The following NLN variants were observed in gnomAD, a reference collection of about 807,000 sequenced individuals.
NLN encodes neurolysin, mitochondrial.
A neutral mutation model predicts 79.9 loss-of-function variants in NLN; 64 were observed. The observed-to-expected ratio is 0.80, with a 90% CI of 0.65 to 0.99. NLN has a LOEUF of 0.99. NLN is among the 50% of genes least tolerant of loss of function. NLN has a pLI of 0.00. For synonymous variants in NLN, 267 were observed against 296.6 expected, an observed-to-expected ratio of 0.90 and a Z score of 1.02; for missense variants, 835 against 858.7, an observed-to-expected ratio of 0.97 and a Z score of 0.34.
At chr5:65,786,876 AT>A (rs961949127) in intron 7 of NLN, among the ~76,000 whole-genome samples, 1 of 152,068 alleles carries the variant, frequency 6.6e-6, no homozygotes, top group African/African-American at 2.4e-5. Flanking sequence ...AATAAAAATA[AT>A]TTTTTAAAAA....
chr5:65,724,927 A>G (rs951947599), intron 1 of NLN, among the ~76,000 whole-genome samples: 8 of 149,732 alleles, frequency 5.3e-5, no homozygotes, highest in Non-Finnish European at 7.4e-5. Flanking sequence ...TCAGCCTCCC[A>G]AGTAGCTGGG....
chr5:65,722,435 A>G (rs1279089348), intron 1 of NLN, 21 bp downstream of exon 1: 14 of 1,575,730 alleles, frequency 8.9e-6, no homozygotes, highest in African/African-American at 1.4e-5. Context: ...CGCGCGGGTT[A>G]ACCTTGGCCG....
At chr5:65,746,727 G>A (rs761179700) in intron 1 of NLN, among the ~76,000 whole-genome samples, 5 of 152,138 alleles carry the variant, frequency 3.3e-5, no homozygotes, top group Admixed American at 6.5e-5. Context: ...TTGCTGAGCC[G>A]GGCGCGGTGG....
At chr5:65,745,470 G>A (rs1054421241) in intron 1 of NLN, among the ~76,000 whole-genome samples, 27 of 152,188 alleles carry the variant, frequency 1.8e-4, no homozygotes, top group Non-Finnish European at 7.3e-5. Context: ...TTGAATCCCA[G>A]CTGCACAAAT....
chr5:65,800,424 C>A (rs985799135), intron 9 of NLN, among the ~76,000 whole-genome samples: 3 of 152,082 alleles, frequency 2.0e-5, no homozygotes, highest in Non-Finnish European at 4.4e-5. Flanking sequence ...GCCTATAATC[C>A]CAGCACTTTG....
chr5:65,806,488 G>A (rs533714390), intron 9 of NLN, among the ~76,000 whole-genome samples: 13 of 152,304 alleles, frequency 8.5e-5, no homozygotes. Flanking sequence ...CCTCAGTGGA[G>A]GAAGGAGCTG....
At chr5:65,731,635 CA>C (rs1487342532) in intron 1 of NLN, among the ~76,000 whole-genome samples, 9 of 151,620 alleles carry the variant, frequency 5.9e-5, no homozygotes, top group African/African-American at 2.2e-4. Flanking sequence ...AATTTTTATA[CA>C]GTCAGAAATA....
At chr5:65,808,937 C>A (rs554298234) in intron 9 of NLN, among the ~76,000 whole-genome samples, 3 of 152,292 alleles carry the variant, frequency 2.0e-5, no homozygotes, top group African/African-American at 7.2e-5. Context: ...TGCAAAGCAT[C>A]GCACACTCAA....
chr5:65,786,759 G>A (rs777974251), intron 7 of NLN, among the ~76,000 whole-genome samples: 27 of 152,342 alleles, frequency 1.8e-4, no homozygotes, highest in Middle Eastern at 6.8e-3. Flanking sequence ...CTACTTGGGA[G>A]GCTGAGGTGG....
Position 65,788,116 on chromosome 5 carries a change from A to ATCT in NLN, c.959-2_959-1insTCT. Reference sequence around the variant, plus strand: ...ATCACTAACTTTTCCTTTTCCTTACAGATGATTTAAGCCAGAAGTTAAAAC... The same window carrying ATCT: ...ATCACTAACTTTTCCTTTTCCTTACATCTGATGATTTAAGCCAGAAGTTAAAAC... On this transcript the variant is annotated splice_acceptor_variant, in intron 7 of 12. Coordinates refer to ENST00000380985, the MANE Select transcript of NLN (RefSeq NM_020726.5). LOFTEE classifies it high-confidence loss of function. The ATCT allele has an allele frequency of 6.2e-7, 1 of 1,609,618 alleles. No homozygotes were observed. The highest frequency in any genetic ancestry group is 8.5e-7 in the Non-Finnish European group (1 of 1,178,390).
intron 3 of NLN, among the ~76,000 whole-genome samples, chr5:65,769,978 C>G (rs564100719): frequency 6.6e-6 from 1 of 152,064 alleles, no homozygotes; most frequent in Non-Finnish European, 1.5e-5. Flanking sequence ...AATAGGCCTT[C>G]GGTAATTGCT....
chr5:65,727,328 C>T (rs1041103603), intron 1 of NLN, among the ~76,000 whole-genome samples: 2 of 152,048 alleles, frequency 1.3e-5, no homozygotes, highest in Non-Finnish European at 2.9e-5. Flanking sequence ...CCACCATGCC[C>T]AGCTAATTTG....
chr5:65,819,343 T>C lies in NLN; in HGVS notation c.1981-3438T>C, dbSNP rs1221092900. On this transcript the variant is annotated intron_variant, in intron 12 of 12. Transcript: ENST00000380985. ...TTATGCTAGAGAGCAAACAGAATAC[T>C]GAAATCACCTCCTCCAACTGCCCAG... Among the ~76,000 whole-genome samples, 4 of 152,166 alleles carry C rather than the reference T, an allele frequency of 2.6e-5. No individual in the cohort carries two copies. The East Asian group carries it at 7.7e-4, about 29-fold the overall frequency.
intron 3 of NLN, among the ~76,000 whole-genome samples, chr5:65,765,300 G>A (rs755535938): frequency 3.3e-5 from 5 of 151,994 alleles, no homozygotes; most frequent in African/African-American, 7.2e-5. Context: ...GGTGGATCAC[G>A]GGAGGTCAGA....
intron 3 of NLN, among the ~76,000 whole-genome samples, chr5:65,776,479 C>T (rs1301437): frequency 0.27 from 40,775 of 152,078 alleles, 6,627 homozygotes; most frequent in East Asian, 0.54. Context: ...CAGGGTTGAA[C>T]AGCCTGGGTC....
chr5:65,806,023 A>T (rs1441179655), intron 9 of NLN, among the ~76,000 whole-genome samples: 1 of 152,178 alleles, frequency 6.6e-6, no homozygotes, highest in African/African-American at 2.4e-5. Flanking sequence ...CTGGATGACA[A>T]CACATCTGTT....
chr5:65,783,538 G>A lies in NLN; in HGVS notation c.822+2117G>A, dbSNP rs143519352. Among the ~76,000 whole-genome samples, 9 of 152,166 alleles carry A rather than the reference G, an allele frequency of 5.9e-5. No individual in the cohort carries two copies. In the East Asian group the frequency reaches 9.7e-4, roughly 16 times the overall value. Reference sequence around the variant, plus strand: ...CTGGCTTTGAGGAAGGCTGGGAAACGTAATTAGGTAACCAAGTGTCCGGCA... The same window carrying A: ...CTGGCTTTGAGGAAGGCTGGGAAACATAATTAGGTAACCAAGTGTCCGGCA... On this transcript the variant is annotated intron_variant, in intron 6 of 12. Coordinates refer to ENST00000380985, the MANE Select transcript of NLN (RefSeq NM_020726.5).
At chr5:65,729,643 G>A (rs1261171570) in intron 1 of NLN, among the ~76,000 whole-genome samples, 3 of 152,014 alleles carry the variant, frequency 2.0e-5, no homozygotes, top group Non-Finnish European at 4.4e-5. Flanking sequence ...CAAAGTGCTG[G>A]GATTACAGGC....
At chr5:65,809,968 A>G (rs572471738) in intron 10 of NLN, 69 bp from the exon 11 acceptor site, 572 of 1,549,116 alleles carry the variant, frequency 3.7e-4, no homozygotes, top group Non-Finnish European at 4.7e-4. Flanking sequence ...TGGAATCTAC[A>G]ATCTTGTGAT....
Sources: allele counts gnomAD v4.1 joint callset (sites outside exome capture counted in the v4.1 genomes callset), GRCh38; gene constraint gnomAD v4.1.1; transcripts MANE v1.5; gene names NCBI Gene and HGNC (gene_info 2026-07-23, HGNC 2026-07-21).